LSAMP: variants seen among roughly 807,000 people sequenced by gnomAD.
LSAMP encodes limbic system associated membrane protein.
A neutral mutation model predicts 38.6 loss-of-function variants in LSAMP; 7 were observed. That is an observed-to-expected ratio of 0.18 (90% CI 0.10 to 0.34). The LOEUF is 0.34. Among genes scored for constraint, LSAMP ranks in the 10% least tolerant of loss-of-function variants. LSAMP has a pLI of 1.00. For synonymous variants in LSAMP, 154 were observed against 166.8 expected, an observed-to-expected ratio of 0.92 and a Z score of 0.59; for missense variants, 313 against 420.0, an observed-to-expected ratio of 0.75 and a Z score of 2.23.
At chr3:116,209,610 G>C (rs555721175) in intron 1 of LSAMP, among the ~76,000 whole-genome samples, 2 of 152,260 alleles carry the variant, frequency 1.3e-5, no homozygotes, top group South Asian at 4.1e-4. Flanking sequence ...GAGTAAGAGG[G>C]GGGCTTTGAT....
In LSAMP at chr3:115,870,679, T is replaced by C. The variant is rs1936007586; in HGVS notation, c.515-18062A>G. Among the ~76,000 whole-genome samples, 3 of 152,308 alleles carry C rather than the reference T, an allele frequency of 2.0e-5. No individual in the cohort carries two copies. In the South Asian group the frequency reaches 6.2e-4, roughly 32 times the overall value. On this transcript the variant is annotated intron_variant, in intron 3 of 6. Coordinates refer to ENST00000490035, the MANE Select transcript of LSAMP (RefSeq NM_002338.5). ...AGGTGGCCCAACTCACTGGTTCCTT[T>C]GCTCTGGCCTCAACAAACTAGCCAT...
intron 1 of LSAMP, among the ~76,000 whole-genome samples, chr3:116,377,018 T>C (rs983647127): frequency 6.6e-6 from 1 of 152,090 alleles, no homozygotes; most frequent in African/African-American, 2.4e-5. Flanking sequence ...TTTTCTTCAG[T>C]CTACCAGTTC....
intron 1 of LSAMP, among the ~76,000 whole-genome samples, chr3:116,189,634 G>A (rs1264175683): frequency 2.0e-5 from 3 of 152,126 alleles, no homozygotes; most frequent in African/African-American, 4.8e-5. Flanking sequence ...TAGAAGAAAC[G>A]ATTAGAGAAG....
In LSAMP at chr3:115,810,071, A is replaced by T; in HGVS notation, c.*246T>A. On this transcript the variant is annotated 3_prime_UTR_variant, in exon 7 of 7. Coordinates refer to ENST00000490035, the MANE Select transcript of LSAMP (RefSeq NM_002338.5). ...ACATTTGCTTAGTAGATATAAACATATCCCAGTAGAACCTTCTCCATCCTG... is the reference window on the plus strand; with the variant it reads ...ACATTTGCTTAGTAGATATAAACATTTCCCAGTAGAACCTTCTCCATCCTG... 2.2e-6 allele frequency: 1 copy of T among 452,184 alleles called. No individual in the cohort carries two copies. The highest frequency in any genetic ancestry group is 4.0e-6 in the Non-Finnish European group (1 of 252,198). 28.0% of individuals were successfully genotyped at this position (452,184 alleles called of 1,614,324 possible).
At chr3:116,209,920 T>A (rs1253327670) in intron 1 of LSAMP, among the ~76,000 whole-genome samples, 1 of 150,422 alleles carries the variant, frequency 6.6e-6, no homozygotes, top group East Asian at 1.9e-4. Context: ...CCGGCAAAAT[T>A]TTTTTTTGTA....
chr3:115,833,425 C>T (rs1461955250), intron 6 of LSAMP, among the ~76,000 whole-genome samples: 2 of 134,218 alleles, frequency 1.5e-5, no homozygotes, highest in East Asian at 4.6e-4. Context: ...AATAGTTTGT[C>T]CTCTTTTTAA....
chr3:116,176,778 A>G (rs1378855942), intron 1 of LSAMP, among the ~76,000 whole-genome samples: 3 of 152,160 alleles, frequency 2.0e-5, no homozygotes, highest in South Asian at 2.1e-4. Flanking sequence ...TATCATATCA[A>G]TAGGAACAGA....
chr3:116,056,118 A>G (rs2107740200), intron 2 of LSAMP, among the ~76,000 whole-genome samples: 1 of 152,292 alleles, frequency 6.6e-6, no homozygotes, highest in Non-Finnish European at 1.5e-5. Flanking sequence ...TATTAATTTT[A>G]TTTATTCATG....
intron 1 of LSAMP, among the ~76,000 whole-genome samples, chr3:116,378,344 C>A (rs563507829): frequency 6.6e-4 from 101 of 152,116 alleles, no homozygotes; most frequent in African/African-American, 2.2e-3. Context: ...GATTTTGCAA[C>A]CCATATGGAC....
At chr3:116,053,451 A>T (rs1315437345) in intron 2 of LSAMP, among the ~76,000 whole-genome samples, 1 of 152,136 alleles carries the variant, frequency 6.6e-6, no homozygotes, top group African/African-American at 2.4e-5. Flanking sequence ...AAGCTAAAAG[A>T]GTTTTGAGGA....
At chr3:115,895,606 A>G (rs1307038998) in intron 3 of LSAMP, among the ~76,000 whole-genome samples, 1 of 152,070 alleles carries the variant, frequency 6.6e-6, no homozygotes, top group African/African-American at 2.4e-5. Context: ...CTTTGAACGG[A>G]TCTATGGAAT....
intron 6 of LSAMP, among the ~76,000 whole-genome samples, chr3:115,812,268 A>G (rs557256704): frequency 6.6e-6 from 1 of 152,086 alleles, no homozygotes; most frequent in South Asian, 2.1e-4. Flanking sequence ...AAGATTCAAT[A>G]AATTAATTAT....
intron 1 of LSAMP, among the ~76,000 whole-genome samples, chr3:116,309,459 T>A (rs1258624712): frequency 6.6e-6 from 1 of 152,110 alleles, no homozygotes; most frequent in Non-Finnish European, 1.5e-5. Context: ...AATTTTTAAT[T>A]TAGTTTAATT....
intron 4 of LSAMP, among the ~76,000 whole-genome samples, chr3:115,852,280 T>C (rs573427350): frequency 1.3e-5 from 2 of 152,350 alleles, no homozygotes; most frequent in Admixed American, 1.3e-4. Flanking sequence ...TTAAATGTAT[T>C]ATGGATTACA....
At chr3:116,265,655 A>C (rs942209619) in intron 1 of LSAMP, among the ~76,000 whole-genome samples, 2 of 152,192 alleles carry the variant, frequency 1.3e-5, no homozygotes, top group Non-Finnish European at 2.9e-5. Context: ...GTGGTATATC[A>C]TCCTCCCCAC....
intron 2 of LSAMP, among the ~76,000 whole-genome samples, chr3:116,049,767 C>T (rs938199672): frequency 2.0e-5 from 3 of 152,080 alleles, no homozygotes; most frequent in African/African-American, 7.2e-5. Flanking sequence ...AATCTTTTCA[C>T]TTTATATTTC....
In LSAMP at chr3:116,166,593, T is replaced by C. The variant is rs138441132; in HGVS notation, c.156-80037A>G. ...GTGTCTGTGTATATATGCATGTATA[T>C]ATGTACATATATATGTATGCATTTT... On this transcript the variant is annotated intron_variant, in intron 1 of 6. Coordinates refer to ENST00000490035, the MANE Select transcript of LSAMP (RefSeq NM_002338.5). 6.0e-3 allele frequency among the ~76,000 whole-genome samples: 921 copies of C among 152,262 alleles called. 6 individuals are homozygous for C. The highest frequency in any genetic ancestry group is 0.014 in the Middle Eastern group (4 of 294).
In LSAMP at chr3:115,924,579, A is replaced by G. The variant is rs1250616453; in HGVS notation, c.515-71962T>C. ...GAGACAGAGAAGACATTGCCTCATT[A>G]TATGTTTAAAAGGGAAGCCACTTTT... On this transcript the variant is annotated intron_variant, in intron 3 of 6. Transcript: ENST00000490035. Among the ~76,000 whole-genome samples, 3 of 152,196 alleles carry G rather than the reference A, an allele frequency of 2.0e-5. No homozygotes were observed. The East Asian group carries it at 5.8e-4, about 29-fold the overall frequency.
intron 1 of LSAMP, among the ~76,000 whole-genome samples, chr3:116,211,486 T>C (rs1179156153): frequency 6.6e-6 from 1 of 152,172 alleles, no homozygotes; most frequent in Non-Finnish European, 1.5e-5. Context: ...TTTTAAAAAA[T>C]TGATAAATAA....
Sources: allele counts gnomAD v4.1 joint callset (sites outside exome capture counted in the v4.1 genomes callset), GRCh38; gene constraint gnomAD v4.1.1; transcripts MANE v1.5; gene names NCBI Gene and HGNC (gene_info 2026-07-23, HGNC 2026-07-21).